Variants in MFRP observed in about 807,000 individuals in gnomAD.
MFRP encodes the protein membrane frizzled-related protein.
MFRP carries 74 observed loss-of-function variants against 65.8 expected under a neutral mutation model. The ratio of observed to expected loss-of-function variants is 1.12; its 90% CI spans 0.93 to 1.36. The LOEUF is 1.36. MFRP is among the 40% of genes most tolerant of loss of function. The pLI is 0.00. For missense variants in MFRP, 838 were observed against 736.0 expected (o/e 1.14, Z -1.60); for synonymous variants, 336 against 288.3 (o/e 1.17, Z -1.68).
Position 119,345,859 on chromosome 11 carries a change from G to T in MFRP, c.341C>A (p.Thr114Asn). Reference protein sequence around the residue: ...PLPAGGLTTTTTTPTITTSQA... With the variant: ...PLPAGGLTTTNTTPTITTSQA... ...AGAGGTGGTGATGGTGGGGGTGGTG[G>T]TGGTCGTGGTAAGGCCTCCGGCAGG... The change falls in exon 4 of 15, where the codon ACC becomes AAC. Residue 114 changes from threonine to asparagine, a missense_variant. Coordinates refer to ENST00000619721, the MANE Select transcript of MFRP (RefSeq NM_031433.4). The T allele has an allele frequency of 1.9e-6, 3 of 1,613,870 alleles. No individual in the cohort carries two copies. The highest frequency in any genetic ancestry group is 2.5e-6 in the Non-Finnish European group (3 of 1,179,960).
At chr11:119,342,035 G>T in intron 11 of MFRP, 51 bp from the exon 12 acceptor site, 1 of 1,609,584 alleles carries the variant, frequency 6.2e-7, no homozygotes, top group Non-Finnish European at 8.5e-7. Flanking sequence ...CTGGCTCTGT[G>T]GCCTGTGGCA....
chr11:119,344,586 C>G (rs1459964340), intron 7 of MFRP, 46 bp downstream of exon 7: 1 of 1,613,298 alleles, frequency 6.2e-7, no homozygotes, highest in African/African-American at 1.3e-5. Flanking sequence ...CCAGCTTGAA[C>G]CCAGATCAGA....
Position 119,340,490 on chromosome 11 carries a change from C to T in MFRP, c.*854-50G>A, listed in dbSNP as rs1015760785. On this transcript the variant is annotated intron_variant, in intron 13 of 14. Transcript: ENST00000619721. ...CGGGACCCAGAATCCTGGGACCTGC[C>T]TCTCTCCCCACCCCGGCGCGGCCCA... 60 of 1,357,472 alleles carry T rather than the reference C, an allele frequency of 4.4e-5. No homozygotes were observed. In the African/African-American group the frequency reaches 8.1e-4, roughly 18 times the overall value. 84.1% of individuals were successfully genotyped at this position (1,357,472 alleles called of 1,614,324 possible). A position where few individuals can be genotyped will look rare whatever the true frequency, so the allele number is the denominator to read the frequency against.
chr11:119,342,713 T>G lies in MFRP; in HGVS notation c.1270A>C (p.Ser424Arg). 1 of 1,613,304 alleles carries G rather than the reference T, an allele frequency of 6.2e-7. No individual in the cohort carries two copies. Among genetic ancestry groups the G allele is most frequent in the Non-Finnish European group, 8.5e-7 (1 of 1,179,734 alleles). ...CCTCCTGCCTGGCAGGAGAGCTCAC[T>G]GGGCCCACAGGGGTCTGCAGGCACA... is the stretch of plus-strand genomic sequence containing the variant. Reference protein sequence around the residue: ...FNATENPCGPSELSCQAGGCK... With the variant: ...FNATENPCGPRELSCQAGGCK... The change falls in exon 11 of 15, where the codon AGT becomes CGT. Residue 424 changes from serine (S) to arginine (R), a missense_variant. By Grantham distance (110) the Ser-to-Arg change is moderately radical (BLOSUM62 -1). Coordinates refer to ENST00000619721, the MANE Select transcript of MFRP (RefSeq NM_031433.4).
At chr11:119,346,216 G>C (rs1289669945) in intron 2 of MFRP, 56 bp downstream of exon 2, 5 of 1,568,444 alleles carry the variant, frequency 3.2e-6, no homozygotes, top group East Asian at 2.3e-5. Flanking sequence ...TCCTCATGCT[G>C]TCCTTGGCTC....
rs1319727902 is a variant in MFRP at position 119,346,493 on chromosome 11, G to A, written c.21C>T (p.Val7=). The change falls in exon 1 of 15, where the codon GTC becomes GTT. Residue 7 remains valine, a synonymous_variant. Transcript: ENST00000619721. ...ATTCTGTTGCCTCCATGCAGAGGAT[G>A]ACATCTGAGAAGTCCTTCATGGCAC... is the stretch of plus-strand genomic sequence containing the variant. The part of the protein sequence containing the change: MKDFSD[V]ILCMEATESS... 2.5e-6 allele frequency: 4 copies of A among 1,614,114 alleles called. No individual in the cohort carries two copies. The East Asian group carries it at 8.9e-5, about 36-fold the overall frequency.
intron 14 of MFRP, 121 bp downstream of exon 14, chr11:119,340,063 C>G: frequency 7.6e-7 from 1 of 1,323,642 alleles, no homozygotes; most frequent in Non-Finnish European, 9.9e-7. Flanking sequence ...CCGCTCAGGG[C>G]TGCAAAGCGC....
At chr11:119,342,105 G>A in intron 11 of MFRP, 121 bp from the exon 12 acceptor site, 7 of 1,212,556 alleles carry the variant, frequency 5.8e-6, no homozygotes, top group Non-Finnish European at 8.2e-6. Flanking sequence ...TTGTGAGGAA[G>A]CAAGAGGATA....
chr11:119,343,862 C>A lies in MFRP; in HGVS notation c.1078G>T (p.Glu360Ter), dbSNP rs1565294012. Residue 360 changes from glutamate (E) to a stop codon, truncating the protein, a stop_gained, in exon 9 of 15, where the codon GAG (glutamate) becomes TAG (stop). Coordinates refer to ENST00000619721, the MANE Select transcript of MFRP (RefSeq NM_031433.4). LOFTEE classifies it high-confidence loss of function. Reference sequence around the variant, plus strand: ...CCTGAGCTGCTGGTCTCATACACCTCCACGTAGTCAAACTTGCACTCGTCC... The same window carrying A: ...CCTGAGCTGCTGGTCTCATACACCTACACGTAGTCAAACTTGCACTCGTCC... Reference protein sequence around the residue: ...AQDECKFDYVEVYETSSSGAF... With the variant: ...AQDECKFDYV The A allele has an allele frequency of 6.2e-6, 10 of 1,613,818 alleles. No individual in the cohort carries two copies. Among genetic ancestry groups the A allele is most frequent in the Non-Finnish European group, 7.6e-6 (9 of 1,180,004 alleles).
In MFRP at chr11:119,339,647, A is replaced by G. The variant is rs575398894; in HGVS notation, c.*1312T>C. ...CACCTGGCAGGTGAACTTGCCGGTG[A>G]CGGCGTCGTAATGTCCCTGCTCGTT... On this transcript the variant is annotated 3_prime_UTR_variant, in exon 15 of 15. Transcript: ENST00000619721. The surrounding 1 kb of genome is among the most constrained non-coding windows in gnomAD (Gnocchi z 5.4). 6.2e-7 allele frequency: 1 copy of G among 1,612,566 alleles called. No homozygotes were observed. The highest frequency in any genetic ancestry group is 1.3e-5 in the African/African-American group (1 of 75,076).
Position 119,344,989 on chromosome 11 carries a change from C to T in MFRP, c.657G>A (p.Val219=). ...EGPLLRVCGR[V]PPPTLNTNAS... is the part of the protein sequence containing the mutation. The stretch of plus-strand genomic sequence containing the variant: ...CATTGGTGTTGAGCGTGGGGGGAGG[C>T]ACCCTTCCACAAACCCTGCAAGAAG... The change falls in exon 6 of 15, where the codon GTG becomes GTA. Residue 219 remains valine (V), a synonymous_variant. Coordinates refer to ENST00000619721, the MANE Select transcript of MFRP (RefSeq NM_031433.4). 6.2e-7 allele frequency: 1 copy of T among 1,605,678 alleles called. No homozygotes were observed.
At chr11:119,344,844 C>T (rs773646130) in intron 6 of MFRP, 30 bp downstream of exon 6, 4 of 1,613,456 alleles carry the variant, frequency 2.5e-6, no homozygotes, top group South Asian at 1.1e-5. Context: ...AGAAAGTGGA[C>T]ACTCAACAGG....
Position 119,343,075 on chromosome 11 carries a change from C to T in MFRP, c.1125-72G>A, listed in dbSNP as rs1263363215. ...AGGGGGCACTGCAGCCTCCCACAGG[C>T]CTGGCTCTGAGCTGGGAGCCCTGGA... On this transcript the variant is annotated intron_variant, in intron 9 of 14. Transcript: ENST00000619721. 1.2e-5 allele frequency: 19 copies of T among 1,538,174 alleles called. 1 individual carries two copies. The Admixed American group carries it at 3.7e-4, about 30-fold the overall frequency.
Position 119,344,318 on chromosome 11 carries a change from T to C in MFRP, c.972A>G (p.Gln324=), listed in dbSNP as rs896038961. 2 of 1,613,704 alleles carry C rather than the reference T, an allele frequency of 1.2e-6. No homozygotes were observed. The highest frequency in any genetic ancestry group is 2.7e-5 in the African/African-American group (2 of 74,818). Residue 324 remains glutamine, a synonymous_variant, in exon 8 of 15, where the codon CAA becomes CAG. Coordinates refer to ENST00000619721, the MANE Select transcript of MFRP (RefSeq NM_031433.4). ...CTGCATGGAGCACTGTGCTTACCAG[T>C]TGGTGAGGGTACTGCTGCAGGTAGC... ...TPSYLQQYPH[Q]LLCTWHISVP...
At chr11:119,345,247 G>C (rs1266140592) in intron 5 of MFRP, among the ~76,000 whole-genome samples, 173 bp downstream of exon 5, 1 of 152,234 alleles carries the variant, frequency 6.6e-6, no homozygotes, top group African/African-American at 2.4e-5. Context: ...ACAGGTGAGA[G>C]AGGGGAAGTG....
At position 119,341,753 on chromosome 11, in the gene MFRP, C is replaced by T. The variant is rs1165509211; in HGVS notation, c.1535G>A (p.Cys512Tyr). 2 of 1,613,276 alleles carry T rather than the reference C, an allele frequency of 1.2e-6. No homozygotes were observed. Among genetic ancestry groups the T allele is most frequent in the Non-Finnish European group, 8.5e-7 (1 of 1,180,018 alleles). The part of the protein sequence containing the change: ...SGYKSLTSLP[C>Y]YQHFRRLLCG... ...CAGGAGCCTCCGGAAATGCTGGTAG[C>T]AGGGCAGGCTTGTCAGGCTCTGCGG... The change falls in exon 13 of 15, where the codon TGC becomes TAC. Residue 512 changes from cysteine (C) to tyrosine (Y), a missense_variant. Transcript: ENST00000619721.
chr11:119,340,693 A>G lies in MFRP; in HGVS notation c.*853+2T>C. On this transcript the variant is annotated splice_donor_variant, in intron 13 of 14. Transcript: ENST00000619721. LOFTEE classifies it low-confidence loss of function (3UTR_SPLICE). ...CCCTTTCCCCTCCTCCGCCAGACTCACCCCCCCTCCCGGCTCCCCGATGGC... is the reference window on the plus strand; with the variant it reads ...CCCTTTCCCCTCCTCCGCCAGACTCGCCCCCCCTCCCGGCTCCCCGATGGC... 2.9e-6 allele frequency: 1 copy of G among 344,790 alleles called. No homozygotes were observed. Among genetic ancestry groups the G allele is most frequent in the South Asian group, 3.5e-5 (1 of 28,206 alleles). 21.4% of individuals were successfully genotyped at this position (344,790 alleles called of 1,614,324 possible). A position where few individuals can be genotyped will look rare whatever the true frequency, so the allele number is the denominator to read the frequency against.
chr11:119,344,098 C>G, intron 8 of MFRP, 134 bp from the exon 9 acceptor site: 1 of 1,212,238 alleles, frequency 8.2e-7, no homozygotes, highest in Non-Finnish European at 1.2e-6. Context: ...TTCTTAAGGA[C>G]CTTTAATTTA....
intron 6 of MFRP, 44 bp downstream of exon 6, chr11:119,344,830 G>C: frequency 6.2e-7 from 1 of 1,613,526 alleles, no homozygotes; most frequent in Non-Finnish European, 8.5e-7. Flanking sequence ...GTGGGTGGAG[G>C]GGAAGAAAGT....
Sources: gnomAD v4.1 joint callset for allele counts (sites outside exome capture counted in the v4.1 genomes callset) on GRCh38, gnomAD v4.1.1 for gene constraint, Gnocchi (gnomAD v3.1) non-coding constraint, MANE v1.5 for transcripts, NCBI Gene and HGNC (gene_info 2026-07-23, HGNC 2026-07-21) for gene names.